SBF2: variants seen among roughly 807,000 people sequenced by gnomAD.
SBF2 encodes myotubularin-related protein 13.
Under a neutral mutation model 225.2 loss-of-function variants are expected in SBF2, and 112 were observed. The ratio of observed to expected loss-of-function variants is 0.50; its 90% CI spans 0.43 to 0.58. The LOEUF (loss-of-function observed/expected upper bound fraction) is 0.58, where lower values mean the gene tolerates loss of function less well. SBF2 is among the 20% of genes least tolerant of loss of function. SBF2 has a pLI of 0.00. For synonymous variants in SBF2, 763 were observed against 773.3 expected, an observed-to-expected ratio of 0.99 and a Z score of 0.22; for missense variants, 1,996 against 2,206.2, an observed-to-expected ratio of 0.90 and a Z score of 1.91.
chr11:10,285,048 G>A (rs778965791), intron 1 of SBF2, among the ~76,000 whole-genome samples: 6 of 152,038 alleles, frequency 3.9e-5, no homozygotes, highest in Admixed American at 3.3e-4. Context: ...GGTGACTCAC[G>A]GCTGTAATCC....
chr11:10,240,650 AG>A (rs1199172624), intron 1 of SBF2, among the ~76,000 whole-genome samples: 1 of 152,214 alleles, frequency 6.6e-6, no homozygotes, highest in Non-Finnish European at 1.5e-5. Context: ...CTACAAAAAC[AG>A]AAAAATTGGA....
intron 16 of SBF2, among the ~76,000 whole-genome samples, chr11:9,903,397 G>A (rs1467909199): frequency 1.3e-5 from 2 of 152,098 alleles, no homozygotes; most frequent in Non-Finnish European, 2.9e-5. Flanking sequence ...TGTGTTAGTG[G>A]TGGCAAATAT....
At chr11:9,807,953 T>C (rs1468695182) in intron 32 of SBF2, 47 bp downstream of exon 32, 4 of 1,528,598 alleles carry the variant, frequency 2.6e-6, no homozygotes, top group Non-Finnish European at 3.6e-6. Flanking sequence ...GCTAGTATGT[T>C]GTGTTCTTTC....
chr11:10,044,805 G>A (rs565388595), intron 2 of SBF2, among the ~76,000 whole-genome samples: 1 of 152,300 alleles, frequency 6.6e-6, no homozygotes, highest in Admixed American at 6.5e-5. Flanking sequence ...GCTCCCTTGC[G>A]AATTGTGCAT....
chr11:10,244,907 G>C (rs997261031), intron 1 of SBF2, among the ~76,000 whole-genome samples: 2 of 151,838 alleles, frequency 1.3e-5, no homozygotes, highest in African/African-American at 4.8e-5. Flanking sequence ...AGGCCAAGGG[G>C]GGTGGATCAC....
chr11:10,209,122 T>C (rs1180200114), intron 1 of SBF2, among the ~76,000 whole-genome samples: 1 of 152,158 alleles, frequency 6.6e-6, no homozygotes, highest in Non-Finnish European at 1.5e-5. Flanking sequence ...AATGTGTCCC[T>C]ATCAATGTAT....
intron 6 of SBF2, among the ~76,000 whole-genome samples, chr11:10,025,377 T>C (rs1949014229): frequency 6.6e-6 from 1 of 151,770 alleles, no homozygotes; most frequent in African/African-American, 2.4e-5. Context: ...TATGAGAGCT[T>C]TATATAAAAA....
chr11:9,898,845 G>T (rs927934874), intron 16 of SBF2, among the ~76,000 whole-genome samples: 4 of 152,008 alleles, frequency 2.6e-5, no homozygotes, highest in Non-Finnish European at 4.4e-5. Context: ...TTGGAGAAAT[G>T]AATAAGTGAA....
intron 1 of SBF2, among the ~76,000 whole-genome samples, chr11:10,230,853 G>A (rs1287571337): frequency 6.6e-6 from 1 of 151,944 alleles, no homozygotes; most frequent in East Asian, 1.9e-4. Flanking sequence ...TTGAATGTTG[G>A]CCTGCCTTGC....
At chr11:9,835,027 G>C (rs1855647231) in intron 26 of SBF2, among the ~76,000 whole-genome samples, 1 of 152,078 alleles carries the variant, frequency 6.6e-6, no homozygotes, top group Admixed American at 6.6e-5. Context: ...GAAGCCTAAA[G>C]ACCAAGAGAA....
intron 14 of SBF2, among the ~76,000 whole-genome samples, chr11:9,965,257 C>A (rs1866824839): frequency 6.6e-6 from 1 of 151,432 alleles, no homozygotes; most frequent in African/African-American, 2.4e-5. Flanking sequence ...CCTTTCATCT[C>A]ATCAATACAA....
At chr11:9,997,365 C>CA (rs1243597859) in intron 9 of SBF2, among the ~76,000 whole-genome samples, 2 of 152,034 alleles carry the variant, frequency 1.3e-5, no homozygotes, top group Non-Finnish European at 2.9e-5. Context: ...AAAATAACTG[C>CA]AAAAAAATTT....
At chr11:10,173,796 G>C (rs1252200472) in intron 2 of SBF2, among the ~76,000 whole-genome samples, 1 of 149,640 alleles carries the variant, frequency 6.7e-6, no homozygotes, top group Non-Finnish European at 1.5e-5. Flanking sequence ...GGTTCTCCCA[G>C]CACGCAGCTG....
intron 16 of SBF2, among the ~76,000 whole-genome samples, chr11:9,953,269 C>G (rs1258964132): frequency 6.6e-6 from 1 of 152,110 alleles, no homozygotes; most frequent in Non-Finnish European, 1.5e-5. Context: ...GATGGTGAAA[C>G]TCCATCTCTA....
rs2133837033 is a variant in SBF2, at chr11:9,778,890, T to C, written c.*1528A>G. 6.5e-6 allele frequency: 1 copy of C among 152,776 alleles called. No individual in the cohort carries two copies. The highest frequency in any genetic ancestry group is 3.4e-3 in the Middle Eastern group (1 of 294). The allele number at this position is 152,776 out of a possible 1,614,324, so 9.5% of individuals were successfully genotyped here. ...CCAGTTACAAAAGAAGCACTGTGTATAGTCTCAAATAGCTGAAGGTACAAT... is the reference window on the plus strand; with the variant it reads ...CCAGTTACAAAAGAAGCACTGTGTACAGTCTCAAATAGCTGAAGGTACAAT... On this transcript the variant is annotated 3_prime_UTR_variant, in exon 40 of 40. Coordinates refer to ENST00000256190, the MANE Select transcript of SBF2 (RefSeq NM_030962.4).
In SBF2 at chr11:9,829,552, GTATC is replaced by G. The variant is rs143416649; in HGVS notation, c.3653-60_3653-57del. On this transcript the variant is annotated intron_variant, in intron 27 of 39. Transcript: ENST00000256190. ...AACTGTCTCTGTGTTAACAAAACAA[GTATC>G]TATCTATCTATCTATCTACCTATCT... 868 of 1,405,680 alleles carry G rather than the reference GTATC, an allele frequency of 6.2e-4. 1 individual carries two copies. The highest frequency in any genetic ancestry group is 1.4e-3 in the South Asian group (124 of 86,112). 87.1% of individuals were successfully genotyped at this position (1,405,680 alleles called of 1,614,324 possible). A position where few individuals can be genotyped will look rare whatever the true frequency, so the allele number is the denominator to read the frequency against.
chr11:10,241,649 T>C (rs1027976358), intron 1 of SBF2, among the ~76,000 whole-genome samples: 1 of 152,228 alleles, frequency 6.6e-6, no homozygotes, highest in Middle Eastern at 3.4e-3. Flanking sequence ...AACAATGTTA[T>C]GGTAATAAAT....
At chr11:9,841,450 G>C (rs1347611213) in intron 25 of SBF2, among the ~76,000 whole-genome samples, 1 of 152,082 alleles carries the variant, frequency 6.6e-6, no homozygotes, top group Non-Finnish European at 1.5e-5. Context: ...ATAATGGTGG[G>C]TATTTTCATT....
chr11:9,901,794 G>A (rs1194621217), intron 16 of SBF2, among the ~76,000 whole-genome samples: 1 of 152,108 alleles, frequency 6.6e-6, no homozygotes, highest in African/African-American at 2.4e-5. Context: ...ACAGGCATGT[G>A]CTACCACGCC....
Sources: allele counts gnomAD v4.1 joint callset (sites outside exome capture counted in the v4.1 genomes callset), GRCh38; gene constraint gnomAD v4.1.1; transcripts MANE v1.5; gene names NCBI Gene and HGNC (gene_info 2026-07-23, HGNC 2026-07-21).